The following NUP54 variants were observed in gnomAD, a reference collection of about 807,000 sequenced individuals.
The protein encoded by NUP54 is nucleoporin 54.
Under a neutral mutation model 66.4 loss-of-function variants are expected in NUP54, and 27 were observed. That is an observed-to-expected ratio of 0.41 (90% CI 0.30 to 0.56). The LOEUF (loss-of-function observed/expected upper bound fraction) is 0.56, where lower values mean the gene tolerates loss of function less well. NUP54 is among the 20% of genes least tolerant of loss of function. The pLI, the probability that NUP54 is intolerant of heterozygous loss-of-function variation, is 0.34. For synonymous variants in NUP54, 206 were observed against 210.7 expected (o/e 0.98, Z 0.19); for missense variants, 486 against 596.3 (o/e 0.82, Z 1.93).
At chr4:76,123,408 C>T (rs905533744) in intron 9 of NUP54, among the ~76,000 whole-genome samples, 48 of 152,012 alleles carry the variant, frequency 3.2e-4, no homozygotes, top group African/African-American at 1.1e-3. Flanking sequence ...TGTTTTCTTA[C>T]TTCTCTGTAG....
At chr4:76,117,546 A>G (rs1208793570) in intron 11 of NUP54, 118 bp downstream of exon 11, 2 of 658,888 alleles carry the variant, frequency 3.0e-6, no homozygotes, top group Non-Finnish European at 5.3e-6. Context: ...ACAGTGCAAG[A>G]AAGTTCCAAT....
chr4:76,125,874 G>GAGAGAGAA (rs1560679761), intron 8 of NUP54, among the ~76,000 whole-genome samples: 1 of 146,818 alleles, frequency 6.8e-6, no homozygotes, highest in African/African-American at 2.5e-5. Flanking sequence ...GGGAGAGAGA[G>GAGAGAGAA]AGACAGAGAG....
chr4:76,118,051 A>C (rs1227580991), intron 10 of NUP54, 24 bp downstream of exon 10: 2 of 1,606,276 alleles, frequency 1.2e-6, no homozygotes, highest in African/African-American at 1.3e-5. Context: ...CAAATTTTAG[A>C]ATTATGGTCT....
At chr4:76,140,288 T>G (rs1029154188) in intron 3 of NUP54, among the ~76,000 whole-genome samples, 8 of 148,416 alleles carry the variant, frequency 5.4e-5, no homozygotes, top group Non-Finnish European at 1.2e-4. Context: ...CTCTTTGGTT[T>G]TTTTTTTTTT....
chr4:76,135,781 G>T (rs1341297909), intron 4 of NUP54, among the ~76,000 whole-genome samples: 2 of 152,174 alleles, frequency 1.3e-5, no homozygotes, highest in Admixed American at 1.3e-4. Context: ...CAGAAAATGG[G>T]CAATATTGTT....
In NUP54 at chr4:76,115,345, T is replaced by C; in HGVS notation, c.*21A>G. 1 of 1,565,700 alleles carries C rather than the reference T, an allele frequency of 6.4e-7. No individual in the cohort carries two copies. The highest frequency in any genetic ancestry group is 8.6e-7 in the Non-Finnish European group (1 of 1,161,268). ...AGTAAGAAGATGCATTTCACAAACC[T>C]TTACACAAGTTTGTGAACTGTCAAC... is the stretch of plus-strand genomic sequence containing the variant. On this transcript the variant is annotated 3_prime_UTR_variant, in exon 12 of 12. Transcript: ENST00000264883.
chr4:76,124,877 C>T (rs1730400381), intron 8 of NUP54, 121 bp from the exon 9 acceptor site: 1 of 521,366 alleles, frequency 1.9e-6, no homozygotes, highest in African/African-American at 2.0e-5. Flanking sequence ...AAAATATAAA[C>T]TCTTTCCCTA....
chr4:76,120,801 A>G (rs955171785), intron 9 of NUP54, among the ~76,000 whole-genome samples: 4 of 152,210 alleles, frequency 2.6e-5, no homozygotes, highest in Non-Finnish European at 5.9e-5. Context: ...TTTAATGACT[A>G]AGAACTATTT....
At chr4:76,133,617 T>C (rs1478944403) in intron 5 of NUP54, among the ~76,000 whole-genome samples, 1 of 152,126 alleles carries the variant, frequency 6.6e-6, no homozygotes, top group East Asian at 1.9e-4. Flanking sequence ...AATAAGATAA[T>C]ATTTATAAAA....
At chr4:76,126,172 A>G (rs147091511) in intron 8 of NUP54, among the ~76,000 whole-genome samples, 2 of 152,314 alleles carry the variant, frequency 1.3e-5, no homozygotes, top group Non-Finnish European at 2.9e-5. Context: ...ATACATTTTT[A>G]TGCCTCTGGA....
intron 8 of NUP54, among the ~76,000 whole-genome samples, chr4:76,129,140 T>C (rs12646166): frequency 0.16 from 23,773 of 152,168 alleles, 2,833 homozygotes; most frequent in African/African-American, 0.32. Flanking sequence ...TTACTTTATT[T>C]GATCATTACA....
chr4:76,118,923 GAA>G (rs923495077), intron 9 of NUP54, among the ~76,000 whole-genome samples: 3 of 151,786 alleles, frequency 2.0e-5, no homozygotes, highest in Admixed American at 6.6e-5. Context: ...GAGAATGGCG[GAA>G]AACCCGGGAG....
chr4:76,121,747 T>C (rs1308302803), intron 9 of NUP54, among the ~76,000 whole-genome samples: 1 of 152,252 alleles, frequency 6.6e-6, no homozygotes, highest in African/African-American at 2.4e-5. Flanking sequence ...CTCAGAAATA[T>C]ATTCCTATTT....
rs758838624 is a variant in NUP54 at position 76,124,695 on chromosome 4, G to A, written c.1118C>T (p.Ala373Val). The change falls in exon 9 of 12, where the codon GCA (alanine) becomes GTA (valine). Residue 373 changes from alanine (A) to valine (V), a missense_variant. Physicochemically the swap from Ala to Val is moderately conservative, Grantham distance 64. Around this residue, in one of 4 missense-constraint regions of NUP54, gnomAD observed 217 missense variants for 247.9 expected, o/e 0.88. Coordinates refer to ENST00000264883, the MANE Select transcript of NUP54 (RefSeq NM_017426.4). Reference sequence around the variant, plus strand: ...ATCCATGAGTTTCCTCTTGTATTGTGCAATTTTGGCTACAGATGTAGTTTG... The same window carrying A: ...ATCCATGAGTTTCCTCTTGTATTGTACAATTTTGGCTACAGATGTAGTTTG... The part of the protein sequence containing the change: ...KNQTTSVAKI[A>V]QYKRKLMDLS... 5 of 1,550,234 alleles carry A rather than the reference G, an allele frequency of 3.2e-6. No individual in the cohort carries two copies. Among genetic ancestry groups the A allele is most frequent in the South Asian group, 1.1e-5 (1 of 90,096 alleles).
At chr4:76,135,977 C>T (rs904064517) in intron 4 of NUP54, among the ~76,000 whole-genome samples, 6 of 152,140 alleles carry the variant, frequency 3.9e-5, no homozygotes, top group Admixed American at 2.0e-4. Context: ...TCCAGTCACA[C>T]CTTCCTTCAT....
At chr4:76,138,082 T>C (rs1487170069) in intron 3 of NUP54, among the ~76,000 whole-genome samples, 6 of 152,222 alleles carry the variant, frequency 3.9e-5, no homozygotes, top group South Asian at 2.1e-4. Flanking sequence ...ACAAGGTCCA[T>C]GGAGCTTCTA....
chr4:76,128,531 G>A (rs4859617), intron 8 of NUP54, among the ~76,000 whole-genome samples: 24,826 of 152,040 alleles, frequency 0.16, 3,190 homozygotes, highest in African/African-American at 0.35. Flanking sequence ...CAAGAATCTC[G>A]CTTCAAATAT....
At chr4:76,123,925 T>C (rs1428563904) in intron 9 of NUP54, among the ~76,000 whole-genome samples, 2 of 152,206 alleles carry the variant, frequency 1.3e-5, no homozygotes, top group East Asian at 3.8e-4. Flanking sequence ...ATGAGATGCT[T>C]AGTAATTTTA....
intron 3 of NUP54, among the ~76,000 whole-genome samples, chr4:76,136,869 C>A (rs1418051173): frequency 6.6e-6 from 1 of 152,212 alleles, no homozygotes; most frequent in Non-Finnish European, 1.5e-5. Flanking sequence ...GACTTCTAAT[C>A]TCCAGAAACT....
Sources: allele counts gnomAD v4.1 joint callset (sites outside exome capture counted in the v4.1 genomes callset), GRCh38; gene constraint gnomAD v4.1.1; regional missense constraint gnomAD v4.1.1; transcripts MANE v1.5; gene names NCBI Gene and HGNC (gene_info 2026-07-23, HGNC 2026-07-21).